The following BAZ2B variants were observed in gnomAD, a reference collection of about 807,000 sequenced individuals.
BAZ2B encodes bromodomain adjacent to zinc finger domain 2B.
A neutral mutation model predicts 246.0 loss-of-function variants in BAZ2B; 91 were observed. The ratio of observed to expected loss-of-function variants is 0.37; its 90% CI spans 0.31 to 0.44. The LOEUF (loss-of-function observed/expected upper bound fraction) is 0.44. BAZ2B is among the 20% of genes least tolerant of loss of function. The pLI is 1.00. For missense variants in BAZ2B, 2,332 were observed against 2,533.7 expected (o/e 0.92, Z 1.71); for synonymous variants, 855 against 860.0 (o/e 0.99, Z 0.10).
the BAZ2B span, among the ~76,000 whole-genome samples, chr2:159,647,809 A>C: frequency 6.6e-5 from 10 of 152,320 alleles, no homozygotes; most frequent in African/African-American, 2.4e-4. Flanking sequence ...ATTTATAATG[A>C]TGTGTGGACT....
intron 2 of BAZ2B, among the ~76,000 whole-genome samples, chr2:159,533,907 C>T (rs1207473538): frequency 6.6e-6 from 1 of 152,176 alleles, no homozygotes; most frequent in Non-Finnish European, 1.5e-5. Context: ...AAGCCACATA[C>T]TAAGAAAATC....
intron 1 of BAZ2B, among the ~76,000 whole-genome samples, chr2:159,574,335 AAAAC>A (rs143656549): frequency 0.32 from 48,135 of 151,578 alleles, 8,282 homozygotes; most frequent in South Asian, 0.46. Flanking sequence ...GAATGGCTAA[AAAAC>A]AAACAAACAA....
At chr2:159,372,707 A>G (rs917005159) in intron 27 of BAZ2B, among the ~76,000 whole-genome samples, 9 of 152,224 alleles carry the variant, frequency 5.9e-5, no homozygotes, top group African/African-American at 1.7e-4. Flanking sequence ...TTATTGTAAA[A>G]GAATAAACCA....
chr2:159,421,578 T>C (rs35829210), intron 13 of BAZ2B, among the ~76,000 whole-genome samples: 59,195 of 151,960 alleles, frequency 0.39, 12,344 homozygotes, highest in Non-Finnish European at 0.49. Context: ...GATAAATTTA[T>C]CTAAATTTTA....
At chr2:159,525,676 G>T (rs2084656375) in intron 2 of BAZ2B, among the ~76,000 whole-genome samples, 1 of 151,954 alleles carries the variant, frequency 6.6e-6, no homozygotes, top group Non-Finnish European at 1.5e-5. Flanking sequence ...TTCAGATAAG[G>T]AATACTCAAC....
chr2:159,535,052 T>C (rs576081016), intron 2 of BAZ2B, among the ~76,000 whole-genome samples: 2 of 145,562 alleles, frequency 1.4e-5, no homozygotes, highest in South Asian at 4.1e-4. Flanking sequence ...TAAAATCATA[T>C]ACCAGAGCTT....
At chr2:159,608,760 C>G (rs1694076138) in intron 1 of BAZ2B, among the ~76,000 whole-genome samples, 1 of 152,108 alleles carries the variant, frequency 6.6e-6, no homozygotes, top group South Asian at 2.1e-4. Flanking sequence ...CCTTTAATAA[C>G]CTTTGGATTT....
intron 2 of BAZ2B, among the ~76,000 whole-genome samples, chr2:159,546,564 A>G (rs2087386024): frequency 6.6e-6 from 1 of 150,572 alleles, no homozygotes; most frequent in Non-Finnish European, 1.5e-5. Flanking sequence ...CTCTGATGTC[A>G]TCAGGCTTTC....
intron 3 of BAZ2B, among the ~76,000 whole-genome samples, chr2:159,454,753 A>G (rs1211465614): frequency 1.3e-5 from 2 of 152,194 alleles, no homozygotes; most frequent in East Asian, 3.8e-4. Context: ...ATAAACTTAC[A>G]AAGATATTTC....
At chr2:159,532,599 G>C (rs11902716) in intron 2 of BAZ2B, among the ~76,000 whole-genome samples, 4,020 of 152,230 alleles carry the variant, frequency 0.026, 181 homozygotes, top group African/African-American at 0.092. Flanking sequence ...AGAAGTTAGG[G>C]ACTTAAGTTT....
intron 13 of BAZ2B, among the ~76,000 whole-genome samples, chr2:159,417,614 C>T (rs982086932): frequency 2.0e-5 from 3 of 152,084 alleles, no homozygotes; most frequent in Non-Finnish European, 4.4e-5. Context: ...TTTCAGAAGA[C>T]TGAATAATCC....
the BAZ2B span, among the ~76,000 whole-genome samples, chr2:159,633,648 T>C: frequency 2.0e-4 from 31 of 152,218 alleles, no homozygotes; most frequent in African/African-American, 6.7e-4. Context: ...ATTTTAAAAA[T>C]TCATGACTAC....
chr2:159,632,845 A>G, the BAZ2B span, among the ~76,000 whole-genome samples: 6 of 152,376 alleles, frequency 3.9e-5, no homozygotes, highest in South Asian at 4.1e-4. Context: ...TAAAGTTCCA[A>G]CATATACTTT....
chr2:159,594,277 G>A (rs1690092850), intron 1 of BAZ2B, among the ~76,000 whole-genome samples: 1 of 152,120 alleles, frequency 6.6e-6, no homozygotes, highest in Admixed American at 6.5e-5. Flanking sequence ...CGTGGTAGCG[G>A]GAGCCTGTAG....
chr2:159,655,061 A>T, the BAZ2B span, among the ~76,000 whole-genome samples: 2 of 152,204 alleles, frequency 1.3e-5, no homozygotes, highest in African/African-American at 4.8e-5. Context: ...TGATAACATG[A>T]ATTCAAAGGC....
At chr2:159,618,305 T>G (rs562710090), upstream of BAZ2B, among the ~76,000 whole-genome samples, 7 of 152,346 alleles carry the variant, frequency 4.6e-5, no homozygotes, top group South Asian at 1.4e-3. Context: ...AATTTAATCC[T>G]GAGTTTTCCA....
intron 1 of BAZ2B, among the ~76,000 whole-genome samples, chr2:159,566,965 CG>C (rs1682749881): frequency 6.6e-6 from 1 of 151,996 alleles, no homozygotes; most frequent in Non-Finnish European, 1.5e-5. Context: ...ATTCAGGGGC[CG>C]GGCGTGGTGG....
chr2:159,685,985 GC>G, the BAZ2B span, among the ~76,000 whole-genome samples: 1 of 152,170 alleles, frequency 6.6e-6, no homozygotes, highest in Non-Finnish European at 1.5e-5. Context: ...ATAGAGACTG[GC>G]CCTGGTGGCC....
intron 14 of BAZ2B, among the ~76,000 whole-genome samples, chr2:159,409,047 G>GTT (rs201962998): frequency 2.5e-4 from 37 of 147,702 alleles, no homozygotes; most frequent in African/African-American, 8.7e-4. Flanking sequence ...TCATTTATTT[G>GTT]TTTTTTTTTT....
Sources: allele counts gnomAD v4.1 joint callset (sites outside exome capture counted in the v4.1 genomes callset), GRCh38; gene constraint gnomAD v4.1.1; transcripts MANE v1.5; gene names NCBI Gene and HGNC (gene_info 2026-07-23, HGNC 2026-07-21).